FRAS1: variants seen among roughly 807,000 people sequenced by gnomAD.
FRAS1 encodes the protein Fraser extracellular matrix complex subunit 1, also known as extracellular matrix organizing protein FRAS1.
Under a neutral mutation model 435.2 loss-of-function variants are expected in FRAS1, and 290 were observed. The ratio of observed to expected loss-of-function variants is 0.67; its 90% CI spans 0.61 to 0.73. The LOEUF (loss-of-function observed/expected upper bound fraction) is 0.73. Among genes scored for constraint, FRAS1 ranks in the 30% least tolerant of loss-of-function variants. The pLI is 0.00. For synonymous variants in FRAS1, 1,800 were observed against 1,851.0 expected, an observed-to-expected ratio of 0.97 and a Z score of 0.71; for missense variants, 4,860 against 5,001.5, an observed-to-expected ratio of 0.97 and a Z score of 0.85.
At chr4:78,181,923 CG>C in intron 2 of FRAS1, 1 of 1,609,302 alleles carries the variant, frequency 6.2e-7, no homozygotes, top group South Asian at 1.1e-5. Context: ...CCACCCCTGC[CG>C]GCTTCTTTTT....
intron 2 of FRAS1, among the ~76,000 whole-genome samples, chr4:78,125,828 C>T (rs995481879): frequency 2.0e-5 from 3 of 152,186 alleles, no homozygotes; most frequent in Admixed American, 6.5e-5. Flanking sequence ...TCAGGCTACA[C>T]GGTGGTCAGG....
At chr4:78,539,001 T>G (rs1029387905) in intron 72 of FRAS1, among the ~76,000 whole-genome samples, 11 of 150,790 alleles carry the variant, frequency 7.3e-5, no homozygotes, top group Non-Finnish European at 1.5e-4. Flanking sequence ...CCACTCACTA[T>G]CACAAGAACA....
intron 10 of FRAS1, among the ~76,000 whole-genome samples, 167 bp from the exon 11 acceptor site, chr4:78,281,231 A>G (rs1283772956): frequency 4.6e-5 from 7 of 152,208 alleles, no homozygotes; most frequent in Middle Eastern, 3.2e-3. Context: ...ACCTCAGATT[A>G]GTATGCTTTT....
At chr4:78,451,929 T>G (rs774868949) in intron 46 of FRAS1, 38 bp downstream of exon 46, 1 of 1,572,584 alleles carries the variant, frequency 6.4e-7, no homozygotes, top group Non-Finnish European at 8.6e-7. Flanking sequence ...AAAACTATTT[T>G]AGCAGTTCTG....
At position 78,519,344 on chromosome 4, in the gene FRAS1, C is replaced by T; in HGVS notation, c.10403C>T (p.Ala3468Val). The change falls in exon 67 of 74, where the codon GCC (alanine) becomes GTC (valine). Residue 3468 changes from alanine to valine, a missense_variant. Coordinates refer to ENST00000512123, the MANE Select transcript of FRAS1 (RefSeq NM_025074.7). ...VTADFQVRDSAQSFLTVHVPL... is the reference protein window; with the variant it reads ...VTADFQVRDSVQSFLTVHVPL... ...CTTCCTCGGCAGGTGAGGGACTCTG[C>T]CCAGTCCTTCTTGACAGTGCACGTG... The T allele has an allele frequency of 6.4e-7, 1 of 1,562,222 alleles. No individual in the cohort carries two copies. Among genetic ancestry groups the T allele is most frequent in the Non-Finnish European group, 8.6e-7 (1 of 1,159,552 alleles).
At chr4:78,181,461 G>A in intron 2 of FRAS1, 2 of 1,611,788 alleles carry the variant, frequency 1.2e-6, no homozygotes, top group South Asian at 1.1e-5. Context: ...CTTCCACTAT[G>A]CCTATCAAAT....
chr4:78,424,495 C>G, intron 35 of FRAS1, 75 bp downstream of exon 35: 1 of 679,192 alleles, frequency 1.5e-6, no homozygotes, highest in South Asian at 2.8e-5. Flanking sequence ...TTGTTCCCAT[C>G]ATCATTATTT....
At chr4:78,333,206 A>G in intron 18 of FRAS1, 66 bp from the exon 19 acceptor site, 2 of 1,527,736 alleles carry the variant, frequency 1.3e-6, no homozygotes, top group South Asian at 1.3e-5. Context: ...AATGGGAGAG[A>G]TAGAGTTACT....
At chr4:78,474,490 C>T (rs988323943) in intron 53 of FRAS1, among the ~76,000 whole-genome samples, 4 of 152,190 alleles carry the variant, frequency 2.6e-5, no homozygotes, top group Admixed American at 1.3e-4. Flanking sequence ...CTCTTACACA[C>T]ATTTGGAGAA....
At position 78,499,720 on chromosome 4, in the gene FRAS1, G is replaced by A. The variant is rs1720619031; in HGVS notation, c.9116-1G>A. The A allele has an allele frequency of 6.2e-7, 1 of 1,613,002 alleles. No homozygotes were observed. Among genetic ancestry groups the A allele is most frequent in the Admixed American group, 1.7e-5 (1 of 59,980 alleles). On this transcript the variant is annotated splice_acceptor_variant, in intron 60 of 73. Coordinates refer to ENST00000512123, the MANE Select transcript of FRAS1 (RefSeq NM_025074.7). LOFTEE classifies it high-confidence loss of function. The stretch of plus-strand genomic sequence containing the variant: ...TTGTTTTCCTAACCATATTTCCTTA[G>A]CCCCCACCATTGAGTTTGAAGAAGC...
chr4:78,418,277 C>A (rs909190988), intron 32 of FRAS1, among the ~76,000 whole-genome samples: 5 of 152,182 alleles, frequency 3.3e-5, no homozygotes, highest in Non-Finnish European at 7.3e-5. Flanking sequence ...ACCTCTTAAA[C>A]CTCTGAATGC....
chr4:78,379,744 G>A lies in FRAS1; in HGVS notation c.3311G>A (p.Ser1104Asn). The A allele has an allele frequency of 6.2e-7, 1 of 1,613,496 alleles. No homozygotes were observed. Among genetic ancestry groups the A allele is most frequent in the Non-Finnish European group, 8.5e-7 (1 of 1,179,746 alleles). Reference sequence around the variant, plus strand: ...TTTTCAGGCAAAATACACACCCCTAGTCTTCATGTGAATGGTTCCCTGATC... The same window carrying A: ...TTTTCAGGCAAAATACACACCCCTAATCTTCATGTGAATGGTTCCCTGATC... ...ETCSGKIHTP[S>N]LHVNGSLILP... The change falls in exon 27 of 74, where the codon AGT becomes AAT. Residue 1104 changes from serine to asparagine, a missense_variant. Physicochemically the swap from Ser to Asn is conservative, Grantham distance 46 (BLOSUM62 1). Coordinates refer to ENST00000512123, the MANE Select transcript of FRAS1 (RefSeq NM_025074.7).
intron 2 of FRAS1, among the ~76,000 whole-genome samples, chr4:78,234,289 G>A (rs1254719074): frequency 6.6e-6 from 1 of 151,888 alleles, no homozygotes; most frequent in African/African-American, 2.4e-5. Context: ...GCAGTGGCGC[G>A]ATCTTGGCTC....
At chr4:78,504,834 A>T (rs1368545399) in intron 61 of FRAS1, among the ~76,000 whole-genome samples, 1 of 152,104 alleles carries the variant, frequency 6.6e-6, no homozygotes, top group African/African-American at 2.4e-5. Flanking sequence ...GGTCTTTACA[A>T]TTTGGCATGT....
chr4:78,431,747 A>G (rs536437493), intron 37 of FRAS1, among the ~76,000 whole-genome samples: 1 of 152,274 alleles, frequency 6.6e-6, no homozygotes, highest in African/African-American at 2.4e-5. Flanking sequence ...CTTAAATTTT[A>G]TTTATTCACA....
chr4:78,386,376 T>TC (rs1732218651), intron 28 of FRAS1, among the ~76,000 whole-genome samples: 1 of 151,732 alleles, frequency 6.6e-6, no homozygotes, highest in Non-Finnish European at 1.5e-5. Flanking sequence ...GTAGGAGGGG[T>TC]CACTCTTTCC....
At chr4:78,360,862 G>A (rs531347442) in intron 20 of FRAS1, among the ~76,000 whole-genome samples, 1 of 152,304 alleles carries the variant, frequency 6.6e-6, no homozygotes, top group Admixed American at 6.5e-5. Context: ...AAATACTATA[G>A]GGGTCTGCTT....
At chr4:78,101,166 C>G (rs975060671) in intron 2 of FRAS1, among the ~76,000 whole-genome samples, 1 of 151,802 alleles carries the variant, frequency 6.6e-6, no homozygotes, top group Non-Finnish European at 1.5e-5. Context: ...GGACCTTACT[C>G]CACAGATCTG....
At chr4:78,066,535 A>C (rs1023727911) in intron 2 of FRAS1, among the ~76,000 whole-genome samples, 2 of 152,212 alleles carry the variant, frequency 1.3e-5, no homozygotes, top group Non-Finnish European at 2.9e-5. Context: ...TTTTGAATTT[A>C]ATGTCAGAAT....
Sources: gnomAD v4.1 joint callset for allele counts (sites outside exome capture counted in the v4.1 genomes callset) on GRCh38, gnomAD v4.1.1 for gene constraint, MANE v1.5 for transcripts, NCBI Gene and HGNC (gene_info 2026-07-23, HGNC 2026-07-21) for gene names.